The following MYCBP2 variants were observed in gnomAD, a reference collection of about 807,000 sequenced individuals.
The protein encoded by MYCBP2 is E3 ubiquitin-protein ligase MYCBP2.
MYCBP2 carries 120 observed loss-of-function variants against 525.3 expected under a neutral mutation model. The observed-to-expected ratio is 0.23, with a 90% CI of 0.20 to 0.27. MYCBP2 has a LOEUF of 0.27. Ranked by LOEUF, MYCBP2 falls within the 10% of genes least tolerant of loss-of-function variation. MYCBP2 has a pLI of 1.00. For missense variants in MYCBP2, 4,149 were observed against 5,657.1 expected, an observed-to-expected ratio of 0.73 and a Z score of 8.55; for synonymous variants, 1,894 against 1,955.8, an observed-to-expected ratio of 0.97 and a Z score of 0.83.
In MYCBP2 at chr13:77,202,190, A is replaced by C. The variant is rs567418444; in HGVS notation, c.3843+3066T>G. 2.4e-3 allele frequency among the ~76,000 whole-genome samples: 368 copies of C among 152,346 alleles called. 1 individual carries two copies. Among genetic ancestry groups the C allele is most frequent in the Middle Eastern group, 0.017 (5 of 294 alleles). ...GAGAGAAGAATCAAATAGACGCAAT[A>C]AAAAATGATAAAGGGGATATCATCA... On this transcript the variant is annotated intron_variant, in intron 26 of 82. Coordinates refer to ENST00000544440, the MANE Select transcript of MYCBP2 (RefSeq NM_015057.5).
chr13:77,300,680 A>C (rs2078690917), intron 1 of MYCBP2, among the ~76,000 whole-genome samples: 1 of 152,226 alleles, frequency 6.6e-6, no homozygotes. Flanking sequence ...ATGCTTATAA[A>C]AATAAGCACT....
intron 46 of MYCBP2, among the ~76,000 whole-genome samples, chr13:77,155,840 T>C (rs566239129): frequency 1.3e-5 from 2 of 152,252 alleles, no homozygotes; most frequent in East Asian, 1.9e-4. Flanking sequence ...CCGTAACAGG[T>C]AGCAAAATGT....
intron 4 of MYCBP2, among the ~76,000 whole-genome samples, chr13:77,277,829 A>G (rs2154350468): frequency 6.6e-6 from 1 of 152,350 alleles, no homozygotes; most frequent in Admixed American, 6.5e-5. Context: ...TTTTCCTATA[A>G]TAATAGAAGG....
chr13:77,183,112 TTATGA>T (rs1335088804), intron 32 of MYCBP2, among the ~76,000 whole-genome samples: 15 of 152,312 alleles, frequency 9.8e-5, no homozygotes, highest in African/African-American at 3.6e-4. Context: ...TCCCACTTGG[TTATGA>T]TATATTGTTT....
At chr13:77,063,801 G>A (rs1357383221) in intron 73 of MYCBP2, among the ~76,000 whole-genome samples, 2 of 151,652 alleles carry the variant, frequency 1.3e-5, no homozygotes, top group African/African-American at 4.9e-5. Context: ...AGGAGGAAGG[G>A]GAATGCAGAC....
chr13:77,240,667 G>C (rs1245669375), intron 17 of MYCBP2, among the ~76,000 whole-genome samples: 3 of 152,100 alleles, frequency 2.0e-5, no homozygotes, highest in African/African-American at 7.2e-5. Context: ...ACTTTGCATA[G>C]TGCTGTGTTA....
chr13:77,229,375 TAAGTA>T (rs1426905700), intron 18 of MYCBP2, among the ~76,000 whole-genome samples: 2 of 152,182 alleles, frequency 1.3e-5, no homozygotes, highest in African/African-American at 4.8e-5. Flanking sequence ...GTTAAGGGGT[TAAGTA>T]ACCAGCCCAA....
chr13:77,174,944 T>TA (rs2059541286), intron 36 of MYCBP2, among the ~76,000 whole-genome samples: 6 of 85,494 alleles, frequency 7.0e-5, no homozygotes, highest in Admixed American at 1.1e-4. Context: ...ATATATATAT[T>TA]TTATATATTA....
At chr13:77,059,910 A>G (rs1342051159) in intron 76 of MYCBP2, among the ~76,000 whole-genome samples, 3 of 152,180 alleles carry the variant, frequency 2.0e-5, no homozygotes, top group African/African-American at 7.2e-5. Flanking sequence ...TACCAGACTG[A>G]GCAGCTGTTA....
intron 21 of MYCBP2, among the ~76,000 whole-genome samples, chr13:77,214,625 T>C (rs1182673090): frequency 6.6e-6 from 1 of 152,204 alleles, no homozygotes; most frequent in Non-Finnish European, 1.5e-5. Flanking sequence ...CAGGGATATG[T>C]TCTGAAATAT....
At chr13:77,294,103 G>GATATATATATATA in intron 2 of MYCBP2, among the ~76,000 whole-genome samples, 1 of 3,912 alleles carries the variant, frequency 2.6e-4, no homozygotes, top group African/African-American at 4.8e-4. Flanking sequence ...AGATATAATG[G>GATATATATATATA]CTATATATAT....
At chr13:77,102,878 G>A (rs1164051983) in intron 55 of MYCBP2, among the ~76,000 whole-genome samples, 1 of 151,712 alleles carries the variant, frequency 6.6e-6, no homozygotes, top group Non-Finnish European at 1.5e-5. Context: ...ATCTTTTTCT[G>A]ATAAAAATGA....
Position 77,097,566 on chromosome 13 carries a change from T to C in MYCBP2, c.9588A>G (p.Lys3196=), listed in dbSNP as rs2046444844. 3 of 1,613,250 alleles carry C rather than the reference T, an allele frequency of 1.9e-6. No homozygotes were observed. Among genetic ancestry groups the C allele is most frequent in the Non-Finnish European group, 2.5e-6 (3 of 1,179,728 alleles). The change falls in exon 56 of 83, where the codon AAA becomes AAG. Residue 3196 remains lysine, a synonymous_variant. Transcript: ENST00000544440. ...ACTTCTTATTCTCTTTCTCACACTC[T>C]TTCTTTTTAAGAACTGCACAGGAAC... ...SPGSCAVLKK[K]ECEKENKKSK...
intron 49 of MYCBP2, chr13:77,143,983 C>T (rs1006867479): frequency 5.6e-6 from 1 of 179,732 alleles, no homozygotes; most frequent in South Asian, 1.2e-4. Flanking sequence ...GTATAGATAT[C>T]CTATTGGTTC....
chr13:77,185,274 G>A lies in MYCBP2; in HGVS notation c.4548C>T (p.Cys1516=). Residue 1516 remains cysteine, a synonymous_variant, in exon 32 of 83, where the codon TGC becomes TGT. Coordinates refer to ENST00000544440, the MANE Select transcript of MYCBP2 (RefSeq NM_015057.5). ...GAGGATCATTATCCAATTTCACCAT[G>A]CAGTGATCAACTCCTTCTGATAAAA... is the stretch of plus-strand genomic sequence containing the variant. ...RKILSEGVDH[C]MVKLDNDPQG... is the part of the protein sequence containing the mutation. 1 of 1,614,018 alleles carries A rather than the reference G, an allele frequency of 6.2e-7. No individual in the cohort carries two copies. Among genetic ancestry groups the A allele is most frequent in the Non-Finnish European group, 8.5e-7 (1 of 1,179,992 alleles).
chr13:77,316,892 T>C (rs189749584), intron 1 of MYCBP2, among the ~76,000 whole-genome samples: 2 of 152,124 alleles, frequency 1.3e-5, no homozygotes, highest in Admixed American at 1.3e-4. Flanking sequence ...AACACAGCCC[T>C]ACCTCCTCCA....
At chr13:77,061,335 C>T (rs774710126) in intron 75 of MYCBP2, 34 bp from the exon 76 acceptor site, 2 of 1,543,302 alleles carry the variant, frequency 1.3e-6, no homozygotes, top group South Asian at 1.2e-5. Flanking sequence ...GAAAAATATG[C>T]TTATTTATCA....
At chr13:77,267,745 C>G in intron 8 of MYCBP2, 96 bp downstream of exon 8, 4 of 949,948 alleles carry the variant, frequency 4.2e-6, no homozygotes, top group Non-Finnish European at 6.8e-6. Flanking sequence ...TAAGCAAGCA[C>G]TATCCCTTGC....
intron 21 of MYCBP2, among the ~76,000 whole-genome samples, chr13:77,214,578 T>C (rs994417190): frequency 9.2e-5 from 14 of 151,926 alleles, no homozygotes; most frequent in Admixed American, 2.0e-4. Context: ...AAAGGGGAAA[T>C]ATATATATTT....
Sources: gnomAD v4.1 joint callset for allele counts (sites outside exome capture counted in the v4.1 genomes callset) on GRCh38, gnomAD v4.1.1 for gene constraint, MANE v1.5 for transcripts, NCBI Gene and HGNC (gene_info 2026-07-23, HGNC 2026-07-21) for gene names.